EPHA3: variants seen among roughly 807,000 people sequenced by gnomAD.
EPHA3 encodes EPH receptor A3.
A neutral mutation model predicts 107.1 loss-of-function variants in EPHA3; 42 were observed. The ratio of observed to expected loss-of-function variants is 0.39; its 90% CI spans 0.31 to 0.51. EPHA3 has a LOEUF of 0.51. EPHA3 is among the 20% of genes least tolerant of loss of function. The pLI is 0.78. For synonymous variants in EPHA3, 461 were observed against 424.8 expected (o/e 1.09, Z -1.05); for missense variants, 1,183 against 1,211.2 (o/e 0.98, Z 0.35).
intron 5 of EPHA3, among the ~76,000 whole-genome samples, chr3:89,350,294 T>G (rs1160355843): frequency 6.7e-6 from 1 of 149,956 alleles, no homozygotes; most frequent in Non-Finnish European, 1.5e-5. Context: ...AGTCCCATAT[T>G]TCTTGGAGGC....
chr3:89,198,417 A>G (rs1705895650), intron 2 of EPHA3, among the ~76,000 whole-genome samples: 1 of 150,350 alleles, frequency 6.7e-6, no homozygotes, highest in Admixed American at 6.7e-5. Context: ...CTTAGTTATT[A>G]AGTAGTAGAG....
chr3:89,349,725 A>G (rs1490221266), intron 5 of EPHA3, among the ~76,000 whole-genome samples: 36 of 147,714 alleles, frequency 2.4e-4, no homozygotes, highest in African/African-American at 8.7e-4. Context: ...TGGTCTTTAC[A>G]TTTTGGCATG....
intron 4 of EPHA3, among the ~76,000 whole-genome samples, chr3:89,341,488 T>G (rs2107418724): frequency 6.6e-6 from 1 of 152,228 alleles, no homozygotes; most frequent in South Asian, 2.1e-4. Flanking sequence ...TTCACAAGGG[T>G]TTTGAACATA....
intron 1 of EPHA3, among the ~76,000 whole-genome samples, chr3:89,117,515 G>A (rs1020998357): frequency 6.6e-6 from 1 of 152,032 alleles, no homozygotes; most frequent in African/African-American, 2.4e-5. Flanking sequence ...AAGCTAATTT[G>A]CAATGTCTTC....
intron 12 of EPHA3, among the ~76,000 whole-genome samples, chr3:89,429,695 CATCTATCT>C (rs55794052): frequency 0.045 from 6,762 of 149,212 alleles, 182 homozygotes; most frequent in South Asian, 0.075. Context: ...GTTTATCTAT[CATCTATCT>C]ATCTATCTAT....
intron 3 of EPHA3, among the ~76,000 whole-genome samples, chr3:89,240,686 G>A (rs993685122): frequency 3.3e-5 from 5 of 151,686 alleles, no homozygotes; most frequent in East Asian, 1.9e-4. Flanking sequence ...AAAACCATTC[G>A]CATTCTAGTT....
chr3:89,301,418 A>T (rs1387678869), intron 3 of EPHA3, among the ~76,000 whole-genome samples: 1 of 152,046 alleles, frequency 6.6e-6, no homozygotes, highest in East Asian at 1.9e-4. Context: ...TTGTGAGCTC[A>T]CTCTGAGACT....
At chr3:89,459,673 C>T (rs1167762100) in intron 15 of EPHA3, among the ~76,000 whole-genome samples, 3 of 152,104 alleles carry the variant, frequency 2.0e-5, no homozygotes, top group African/African-American at 4.8e-5. Flanking sequence ...TAGGCACTCC[C>T]CACCATGCCT....
rs911266006 is a variant in EPHA3 at position 89,479,615 on chromosome 3, G to A, written c.*113G>A. The A allele has an allele frequency of 6.5e-6, 5 of 770,466 alleles. No individual in the cohort carries two copies. The highest frequency in any genetic ancestry group is 2.4e-5 in the Admixed American group (1 of 41,884). 47.7% of individuals were successfully genotyped at this position (770,466 alleles called of 1,614,324 possible). On this transcript the variant is annotated 3_prime_UTR_variant, in exon 17 of 17. Transcript: ENST00000336596. ...CTGGTGGAAGTTCCAAGTCCAATAA[G>A]ACACTCAAATATGAGTACAAATGCC... is the stretch of plus-strand genomic sequence containing the variant.
intron 10 of EPHA3, among the ~76,000 whole-genome samples, chr3:89,415,083 A>G (rs1282614061): frequency 6.6e-6 from 1 of 151,520 alleles, no homozygotes; most frequent in Non-Finnish European, 1.5e-5. Flanking sequence ...TACACACCCA[A>G]TTCTAGACTG....
At chr3:89,240,001 G>A (rs1218080267) in intron 3 of EPHA3, among the ~76,000 whole-genome samples, 2 of 152,174 alleles carry the variant, frequency 1.3e-5, no homozygotes, top group African/African-American at 2.4e-5. Context: ...CTCTGGAATA[G>A]CCAACAGCTG....
Position 89,460,991 on chromosome 3 carries a change from C to T in EPHA3, c.2690+10621C>T, listed in dbSNP as rs1275168341. Among the ~76,000 whole-genome samples, 5 of 117,946 alleles carry T rather than the reference C, an allele frequency of 4.2e-5. No homozygotes were observed. In the East Asian group the frequency reaches 1.2e-3, roughly 28 times the overall value. 77.4% of individuals were successfully genotyped at this position (117,946 alleles called of 152,430 possible). A position where few individuals can be genotyped will look rare whatever the true frequency, so the allele number is the denominator to read the frequency against. ...TCCCTCCCCCCTCCCCCGACCCCAC[C>T]ACAGTCCCCAGAGTGTGATATTCCC... On this transcript the variant is annotated intron_variant, in intron 15 of 16. Transcript: ENST00000336596.
At chr3:89,368,667 C>G (rs927156736) in intron 5 of EPHA3, among the ~76,000 whole-genome samples, 3 of 150,258 alleles carry the variant, frequency 2.0e-5, no homozygotes, top group Non-Finnish European at 4.5e-5. Context: ...GAAGAGAGAG[C>G]AAGTTCACTG....
chr3:89,380,492 T>C (rs1479759866), intron 5 of EPHA3, among the ~76,000 whole-genome samples: 1 of 152,146 alleles, frequency 6.6e-6, no homozygotes, highest in African/African-American at 2.4e-5. Flanking sequence ...ATAACTCTGG[T>C]CTGGTGTAAC....
chr3:89,356,996 T>C lies in EPHA3; in HGVS notation c.1306+14906T>C, dbSNP rs1707973685. On this transcript the variant is annotated intron_variant, in intron 5 of 16. Coordinates refer to ENST00000336596, the MANE Select transcript of EPHA3 (RefSeq NM_005233.6). Reference sequence around the variant, plus strand: ...TTGGTTGTGCATCTGTAATCCCAGCTACTCGGAAGGCTGAGGCAGGAGAAT... The same window carrying C: ...TTGGTTGTGCATCTGTAATCCCAGCCACTCGGAAGGCTGAGGCAGGAGAAT... 2.1e-5 allele frequency among the ~76,000 whole-genome samples: 3 copies of C among 145,436 alleles called. No homozygotes were observed. The South Asian group carries it at 6.6e-4, about 32-fold the overall frequency.
In EPHA3 at chr3:89,441,225, A is replaced by G. The variant is rs367900760; in HGVS notation, c.2347-8000A>G. 5.3e-5 allele frequency among the ~76,000 whole-genome samples: 8 copies of G among 152,346 alleles called. 1 individual carries two copies. The highest frequency in any genetic ancestry group is 1.9e-4 in the African/African-American group (8 of 41,598). ...ACCCTGTACCTCCAGTTATTTAGCT[A>G]TACATAGATGAGAAGTCAGCACTTG... is the stretch of plus-strand genomic sequence containing the variant. On this transcript the variant is annotated intron_variant, in intron 13 of 16. Transcript: ENST00000336596.
At chr3:89,426,772 T>C (rs1221677199) in intron 11 of EPHA3, among the ~76,000 whole-genome samples, 1 of 151,888 alleles carries the variant, frequency 6.6e-6, no homozygotes, top group East Asian at 1.9e-4. Flanking sequence ...ATTTGAAGTG[T>C]GCATTGAATT....
intron 1 of EPHA3, among the ~76,000 whole-genome samples, chr3:89,122,222 T>C (rs1707407358): frequency 6.6e-6 from 1 of 152,176 alleles, no homozygotes; most frequent in Admixed American, 6.5e-5. Context: ...CTGGGACAAT[T>C]ACAGTGATGG....
At chr3:89,185,108 A>G (rs1705532975) in intron 2 of EPHA3, among the ~76,000 whole-genome samples, 2 of 152,078 alleles carry the variant, frequency 1.3e-5, no homozygotes, top group South Asian at 4.1e-4. Flanking sequence ...TAATCAAAGT[A>G]TGGTAAAGAA....
Sources: allele counts gnomAD v4.1 joint callset (sites outside exome capture counted in the v4.1 genomes callset), GRCh38; gene constraint gnomAD v4.1.1; transcripts MANE v1.5; gene names NCBI Gene and HGNC (gene_info 2026-07-23, HGNC 2026-07-21).